The following GPR83 variants were observed in gnomAD, a reference collection of about 807,000 sequenced individuals.
GPR83 encodes G-protein coupled receptor 72.
A neutral mutation model predicts 28.0 loss-of-function variants in GPR83; 23 were observed. The ratio of observed to expected loss-of-function variants is 0.82; its 90% CI spans 0.59 to 1.16. The LOEUF is 1.16. Ranked by LOEUF, GPR83 falls within the 50% of genes most tolerant of loss-of-function variation. GPR83 has a pLI of 0.00. For missense variants in GPR83, 610 were observed against 536.6 expected, an observed-to-expected ratio of 1.14 and a Z score of -1.35; for synonymous variants, 234 against 215.4, an observed-to-expected ratio of 1.09 and a Z score of -0.76.
intron 3 of GPR83, among the ~76,000 whole-genome samples, chr11:94,393,013 G>A (rs1250487299): frequency 3.9e-5 from 6 of 152,112 alleles, no homozygotes; most frequent in Non-Finnish European, 8.8e-5. Context: ...AAAAAACTGA[G>A]TGTTGAAAGA....
intron 3 of GPR83, among the ~76,000 whole-genome samples, chr11:94,387,662 G>T (rs1944774035): frequency 6.6e-6 from 1 of 152,056 alleles, no homozygotes; most frequent in Admixed American, 6.6e-5. Flanking sequence ...CCAATAACAG[G>T]CTCTGAAATG....
chr11:94,382,939 C>T (rs542225826), intron 3 of GPR83, among the ~76,000 whole-genome samples: 81 of 151,904 alleles, frequency 5.3e-4, no homozygotes, highest in African/African-American at 1.6e-3. Context: ...CCAAGGCGGG[C>T]GGATCATGAG....
In GPR83 at chr11:94,378,122, ACT is replaced by A. The variant is rs1944640297; in HGVS notation, c.*2025_*2026del. ...CTGGGGATCCCTGTGGGCTTAGAAG[ACT>A]CTGTCTGCCCAATGAAAGTCATGGT... On this transcript the variant is annotated 3_prime_UTR_variant, in exon 4 of 4. Coordinates refer to ENST00000243673, the MANE Select transcript of GPR83 (RefSeq NM_016540.4). The A allele has an allele frequency of 1.3e-5, 2 of 151,960 alleles. No individual in the cohort carries two copies. The highest frequency in any genetic ancestry group is 1.3e-4 in the Admixed American group (2 of 15,244). 9.4% of individuals were successfully genotyped at this position (151,960 alleles called of 1,614,324 possible).
rs866801648 is a variant in GPR83, at chr11:94,381,963, C to T, written c.648-1190G>A. On this transcript the variant is annotated intron_variant, in intron 3 of 3. Transcript: ENST00000243673. ...TGGTCTCTGTCCAGCCTCTGCCACT[C>T]TCTTTCCCATTGCTCCTGGGAGCAC... is the stretch of plus-strand genomic sequence containing the variant. Among the ~76,000 whole-genome samples, 329 of 152,300 alleles carry T rather than the reference C, an allele frequency of 2.2e-3. 1 individual carries two copies. Among genetic ancestry groups the T allele is most frequent in the Non-Finnish European group, 3.5e-3 (235 of 68,030 alleles).
chr11:94,389,084 TA>T (rs1944788468), intron 3 of GPR83, among the ~76,000 whole-genome samples: 1 of 152,228 alleles, frequency 6.6e-6, no homozygotes, highest in Non-Finnish European at 1.5e-5. Context: ...AAGGATTCCC[TA>T]TTTAATAAAT....
In GPR83 at chr11:94,380,719, G is replaced by A; in HGVS notation, c.702C>T (p.Leu234=). Residue 234 remains leucine (L), a synonymous_variant, in exon 4 of 4, where the codon CTC becomes CTT. Coordinates refer to ENST00000243673, the MANE Select transcript of GPR83 (RefSeq NM_016540.4). Reference sequence around the variant, plus strand: ...TGGCCAAGTCCAGGTACTTCCAGAAGAGGTCAGCTGGCTCAGGGAAGTCTG... The same window carrying A: ...TGGCCAAGTCCAGGTACTTCCAGAAAAGGTCAGCTGGCTCAGGGAAGTCTG... ...CLPDFPEPAD[L]FWKYLDLATF... 1 of 1,612,944 alleles carries A rather than the reference G, an allele frequency of 6.2e-7. No individual in the cohort carries two copies. Among genetic ancestry groups the A allele is most frequent in the Non-Finnish European group, 8.5e-7 (1 of 1,179,932 alleles).
rs888074994 is a variant in GPR83, at chr11:94,380,177, G to A, written c.1244C>T (p.Ser415Phe). The A allele has an allele frequency of 6.6e-7, 1 of 1,517,064 alleles. No homozygotes were observed. Among genetic ancestry groups the A allele is most frequent in the South Asian group, 1.3e-5 (1 of 74,678 alleles). 94.0% of individuals were successfully genotyped at this position (1,517,064 alleles called of 1,614,324 possible). A position where few individuals can be genotyped will look rare whatever the true frequency, so the allele number is the denominator to read the frequency against. Residue 415 changes from serine to phenylalanine, a missense_variant, in exon 4 of 4, where the codon TCT (serine) becomes TTT (phenylalanine). By Grantham distance (155) the Ser-to-Phe change is radical (BLOSUM62 -2). Coordinates refer to ENST00000243673, the MANE Select transcript of GPR83 (RefSeq NM_016540.4). ...ACTCATCGTCACAATGGGTTCCACA[G>A]ATGACAGGTCTGTCTTCCCAGACTG... is the stretch of plus-strand genomic sequence containing the variant. ...QLQSGKTDLS[S>F]VEPIVTMS is the part of the protein sequence containing the mutation.
chr11:94,388,469 G>T (rs1944781867), intron 3 of GPR83, among the ~76,000 whole-genome samples: 1 of 152,074 alleles, frequency 6.6e-6, no homozygotes, highest in East Asian at 1.9e-4. Context: ...AGCAACTTCA[G>T]CAAAGTCTCA....
At position 94,380,620 on chromosome 11, in the gene GPR83, C is replaced by A; in HGVS notation, c.801G>T (p.Trp267Cys). ...VAYARVAKKLWLCNMIGDVTT... is the reference protein window; with the variant it reads ...VAYARVAKKLCLCNMIGDVTT... The stretch of plus-strand genomic sequence containing the variant: ...TCACATCGCCAATCATATTACACAG[C>A]CACAGTTTCTTGGCCACACGAGCGT... Residue 267 changes from tryptophan (W) to cysteine (C), a missense_variant, in exon 4 of 4, where the codon TGG (tryptophan) becomes TGT (cysteine). Physicochemically the swap from Trp to Cys is radical, Grantham distance 215 (BLOSUM62 -2). Coordinates refer to ENST00000243673, the MANE Select transcript of GPR83 (RefSeq NM_016540.4). The A allele has an allele frequency of 6.2e-7, 1 of 1,614,076 alleles. No individual in the cohort carries two copies.
At position 94,393,587 on chromosome 11, in the gene GPR83, G is replaced by C. The variant is rs529436452; in HGVS notation, c.545C>G (p.Ser182Ter). ...GATGTAGATGACACCCTTTGTGATTGAGATCCGGGGTTTCAAGGGGTGCAT... is the reference window on the plus strand; with the variant it reads ...GATGTAGATGACACCCTTTGTGATTCAGATCCGGGGTTTCAAGGGGTGCAT... ...VIMHPLKPRI[S>*]ITKGVIYIAV... Residue 182 changes from serine to a stop codon, truncating the protein, a stop_gained, in exon 3 of 4, where the codon TCA (serine) becomes TGA (stop). Transcript: ENST00000243673. LOFTEE classifies it high-confidence loss of function. The C allele has an allele frequency of 7.4e-6, 12 of 1,613,942 alleles. No homozygotes were observed. The African/African-American group carries it at 1.5e-4, about 20-fold the overall frequency.
chr11:94,385,941 T>A (rs370324058), intron 3 of GPR83, among the ~76,000 whole-genome samples: 2 of 152,074 alleles, frequency 1.3e-5, no homozygotes, highest in Non-Finnish European at 2.9e-5. Flanking sequence ...TTAAGGGCAG[T>A]CAGAGAGAAA....
At chr11:94,393,383 T>G in intron 3 of GPR83, 102 bp downstream of exon 3, 1 of 1,036,938 alleles carries the variant, frequency 9.6e-7, no homozygotes, top group Non-Finnish European at 1.5e-6. Context: ...TACTAGTTAC[T>G]CAGACAGTTG....
chr11:94,395,283 C>T (rs1278314067), intron 2 of GPR83, among the ~76,000 whole-genome samples: 1 of 152,228 alleles, frequency 6.6e-6, no homozygotes, highest in African/African-American at 2.4e-5. Context: ...ATTCTTCCCA[C>T]ATTGGACTGT....
chr11:94,393,418 C>A (rs1247209778), intron 3 of GPR83, 67 bp downstream of exon 3: 2 of 1,499,822 alleles, frequency 1.3e-6, no homozygotes, highest in African/African-American at 2.8e-5. Context: ...CCTCAGGTAT[C>A]CCTTGGTGGA....
At chr11:94,387,420 T>C (rs531515894) in intron 3 of GPR83, among the ~76,000 whole-genome samples, 1 of 152,110 alleles carries the variant, frequency 6.6e-6, no homozygotes, top group Admixed American at 6.6e-5. Flanking sequence ...ACAAAATTGA[T>C]AGACCGCTAG....
intron 3 of GPR83, among the ~76,000 whole-genome samples, chr11:94,385,697 G>A (rs567538423): frequency 1.4e-4 from 22 of 152,348 alleles, no homozygotes; most frequent in African/African-American, 3.8e-4. Context: ...ATGGGACTAT[G>A]CGAAAAGACC....
chr11:94,383,974 C>T (rs79422816), intron 3 of GPR83, among the ~76,000 whole-genome samples: 1 of 152,198 alleles, frequency 6.6e-6, no homozygotes, highest in South Asian at 2.1e-4. Flanking sequence ...TCCTCCTTAA[C>T]TCATTTTATT....
In GPR83 at chr11:94,380,106, C is replaced by A; in HGVS notation, c.*43G>T. The A allele has an allele frequency of 6.9e-7, 1 of 1,446,874 alleles. No individual in the cohort carries two copies. Among genetic ancestry groups the A allele is most frequent in the Non-Finnish European group, 9.2e-7 (1 of 1,083,886 alleles). 89.6% of individuals were successfully genotyped at this position (1,446,874 alleles called of 1,614,324 possible). A position where few individuals can be genotyped will look rare whatever the true frequency, so the allele number is the denominator to read the frequency against. On this transcript the variant is annotated 3_prime_UTR_variant, in exon 4 of 4. Coordinates refer to ENST00000243673, the MANE Select transcript of GPR83 (RefSeq NM_016540.4). ...GAGAATAGGCTCTCTTTCCCTGCCT[C>A]AGGTGGAGACAGACCCCTCCCACTC...
chr11:94,380,512 G>C lies in GPR83; in HGVS notation c.909C>G (p.Leu303=). 6 of 1,614,232 alleles carry C rather than the reference G, an allele frequency of 3.7e-6. No individual in the cohort carries two copies. The highest frequency in any genetic ancestry group is 5.1e-6 in the Non-Finnish European group (6 of 1,180,046). The stretch of plus-strand genomic sequence containing the variant: ...CGTAGCAGTTGAGGGGGAACCAGCA[G>C]AGGGCAAAGAGGACTACCACCAGCA... ...MLMLVVVLFA[L]CWFPLNCYVL... Residue 303 remains leucine, a synonymous_variant, in exon 4 of 4, where the codon CTC becomes CTG. Coordinates refer to ENST00000243673, the MANE Select transcript of GPR83 (RefSeq NM_016540.4).
Sources: gnomAD v4.1 joint callset for allele counts (sites outside exome capture counted in the v4.1 genomes callset) on GRCh38, gnomAD v4.1.1 for gene constraint, MANE v1.5 for transcripts, NCBI Gene and HGNC (gene_info 2026-07-23, HGNC 2026-07-21) for gene names.